Variants in KCNIP4 observed in about 807,000 individuals in gnomAD.
KCNIP4 encodes potassium voltage-gated channel interacting protein 4, also known as Kv channel-interacting protein 4.
KCNIP4 carries 12 observed loss-of-function variants against 34.0 expected under a neutral mutation model. The observed-to-expected ratio is 0.35, with a 90% confidence interval of 0.23 to 0.57. The LOEUF is 0.57. Among genes scored for constraint, KCNIP4 ranks in the 20% least tolerant of loss-of-function variants. The pLI, the probability that KCNIP4 is intolerant of heterozygous loss-of-function variation, is 0.83. For synonymous variants in KCNIP4, 124 were observed against 102.2 expected, an observed-to-expected ratio of 1.21 and a Z score of -1.29; for missense variants, 238 against 311.7, an observed-to-expected ratio of 0.76 and a Z score of 1.78.
chr4:21,505,238 G>T (rs758851546), intron 1 of KCNIP4, among the ~76,000 whole-genome samples: 3 of 150,450 alleles, frequency 2.0e-5, no homozygotes, highest in Admixed American at 1.3e-4. Flanking sequence ...CCCCCCATTG[G>T]ATTTTCTTAT....
At chr4:21,591,845 T>C (rs1040808625) in intron 1 of KCNIP4, among the ~76,000 whole-genome samples, 1 of 152,126 alleles carries the variant, frequency 6.6e-6, no homozygotes, top group African/African-American at 2.4e-5. Context: ...CACTAAAATA[T>C]TCTCAAAGGC....
chr4:21,624,466 G>A (rs1047016002), intron 1 of KCNIP4, among the ~76,000 whole-genome samples: 2 of 152,052 alleles, frequency 1.3e-5, no homozygotes, highest in Non-Finnish European at 2.9e-5. Flanking sequence ...CTTAACCTAG[G>A]ATGGGATAAT....
intron 1 of KCNIP4, among the ~76,000 whole-genome samples, chr4:21,815,005 C>T (rs1721905239): frequency 6.6e-6 from 1 of 152,168 alleles, no homozygotes; most frequent in South Asian, 2.1e-4. Flanking sequence ...TATAGAATTG[C>T]TGGGAGTCAG....
At chr4:20,855,324 A>G (rs1017045544) in intron 2 of KCNIP4, among the ~76,000 whole-genome samples, 3 of 152,154 alleles carry the variant, frequency 2.0e-5, no homozygotes, top group African/African-American at 7.2e-5. Context: ...AAAAACATCC[A>G]GGCTCAGTAT....
chr4:21,307,457 T>C (rs529437720), intron 1 of KCNIP4, among the ~76,000 whole-genome samples: 77 of 152,234 alleles, frequency 5.1e-4, no homozygotes, highest in African/African-American at 1.7e-3. Flanking sequence ...GTTATTTTCC[T>C]CCAAAGCATT....
At chr4:21,876,767 G>A (rs1297297931) in intron 1 of KCNIP4, among the ~76,000 whole-genome samples, 1 of 152,044 alleles carries the variant, frequency 6.6e-6, no homozygotes. Context: ...AAAAAAGTGA[G>A]TGAAAGTTCA....
At chr4:21,595,283 TTTCCAGCTCCGTCCATGTC>T (rs965278202) in intron 1 of KCNIP4, among the ~76,000 whole-genome samples, 1 of 152,098 alleles carries the variant, frequency 6.6e-6, no homozygotes, top group Non-Finnish European at 1.5e-5. Flanking sequence ...AGAATGATGG[TTTCCAGCTCCGTCCATGTC>T]CCTGCACAGG....
At chr4:21,268,372 AT>A (rs1761946070) in intron 1 of KCNIP4, among the ~76,000 whole-genome samples, 1 of 152,250 alleles carries the variant, frequency 6.6e-6, no homozygotes, top group Non-Finnish European at 1.5e-5. Flanking sequence ...GAGGCCTTTA[AT>A]ATCAAACACA....
At chr4:21,911,604 TCACACACACA>T (rs149500330) in intron 1 of KCNIP4, among the ~76,000 whole-genome samples, 8,529 of 129,840 alleles carry the variant, frequency 0.066, 694 homozygotes, top group African/African-American at 0.2. Flanking sequence ...GAATTGATAT[TCACACACACA>T]CACACACACA....
At chr4:21,656,946 T>C (rs1038390132) in intron 1 of KCNIP4, 2 of 152,184 alleles carry the variant, frequency 1.3e-5, no homozygotes, top group Non-Finnish European at 2.9e-5. Context: ...TCCCCACACT[T>C]AGGATACTCC....
At chr4:21,619,531 G>A (rs1218400268) in intron 1 of KCNIP4, among the ~76,000 whole-genome samples, 7 of 152,148 alleles carry the variant, frequency 4.6e-5, no homozygotes, top group Non-Finnish European at 1.0e-4. Flanking sequence ...CATTATTTCT[G>A]TCTGGATTTG....
At chr4:21,936,708 ACT>A (rs1729881675) in intron 1 of KCNIP4, among the ~76,000 whole-genome samples, 1 of 151,964 alleles carries the variant, frequency 6.6e-6, no homozygotes, top group Non-Finnish European at 1.5e-5. Context: ...CCTAATTCTG[ACT>A]CCAAAGTCTT....
intron 1 of KCNIP4, among the ~76,000 whole-genome samples, chr4:21,194,906 C>A (rs1755947017): frequency 1.3e-5 from 2 of 152,016 alleles, no homozygotes; most frequent in South Asian, 2.1e-4. Flanking sequence ...CCATTTTTTT[C>A]TTTTAACACA....
chr4:21,647,634 T>C (rs1436757331), intron 1 of KCNIP4, among the ~76,000 whole-genome samples: 1 of 152,154 alleles, frequency 6.6e-6, no homozygotes, highest in Non-Finnish European at 1.5e-5. Context: ...GTCAAATTCC[T>C]TTTTGAGATC....
At chr4:21,078,624 G>T (rs73101768) in intron 1 of KCNIP4, among the ~76,000 whole-genome samples, 1 of 151,950 alleles carries the variant, frequency 6.6e-6, no homozygotes, top group Non-Finnish European at 1.5e-5. Context: ...TGGGAAGCAC[G>T]ACAATTCACC....
chr4:21,707,550 G>C (rs1447161261), intron 1 of KCNIP4, among the ~76,000 whole-genome samples: 1 of 152,026 alleles, frequency 6.6e-6, no homozygotes, highest in African/African-American at 2.4e-5. Context: ...TAGAGGTAAG[G>C]CTCCATTGAT....
rs1163958797 is a variant in KCNIP4, at chr4:20,937,834, T to TA, written c.62-55126dup. Among the ~76,000 whole-genome samples, 3 of 152,282 alleles carry TA rather than the reference T, an allele frequency of 2.0e-5. No individual in the cohort carries two copies. In the East Asian group the frequency reaches 5.8e-4, roughly 29 times the overall value. Reference sequence around the variant, plus strand: ...CCAGGGCATTTCAGAAATAAGTAATTAGGCCATAATTATTTATGCAAATTT... The same window carrying TA: ...CCAGGGCATTTCAGAAATAAGTAATTAAGGCCATAATTATTTATGCAAATTT... On this transcript the variant is annotated intron_variant, in intron 1 of 8. Coordinates refer to ENST00000382152, the MANE Select transcript of KCNIP4 (RefSeq NM_025221.6).
intron 1 of KCNIP4, among the ~76,000 whole-genome samples, chr4:21,027,396 A>G (rs921702294): frequency 1.3e-5 from 2 of 152,076 alleles, no homozygotes; most frequent in African/African-American, 4.8e-5. Flanking sequence ...CCCCTGGGTT[A>G]AATCAAGAGC....
intron 1 of KCNIP4, among the ~76,000 whole-genome samples, chr4:20,939,577 T>C (rs1401021510): frequency 6.6e-6 from 1 of 152,060 alleles, no homozygotes. Flanking sequence ...TTTCATCATG[T>C]AGGCCAGGAT....
Sources: allele counts gnomAD v4.1 joint callset (sites outside exome capture counted in the v4.1 genomes callset), GRCh38; gene constraint gnomAD v4.1.1; transcripts MANE v1.5; gene names NCBI Gene and HGNC (gene_info 2026-07-23, HGNC 2026-07-21).